The following SHISA9 variants were observed in gnomAD, a reference collection of about 807,000 sequenced individuals.
The protein encoded by SHISA9 is shisa family member 9, also known as protein shisa-9.
A neutral mutation model predicts 38.0 loss-of-function variants in SHISA9; 13 were observed. The observed-to-expected ratio is 0.34, with a 90% confidence interval of 0.22 to 0.54. SHISA9 has a LOEUF of 0.54. Among genes scored for constraint, SHISA9 ranks in the 20% least tolerant of loss-of-function variants. The pLI, the probability that SHISA9 is intolerant of heterozygous loss-of-function variation, is 0.91. For missense variants in SHISA9, 538 were observed against 575.8 expected (o/e 0.93, Z 0.67); for synonymous variants, 275 against 242.0 (o/e 1.14, Z -1.27).
the SHISA9 span, among the ~76,000 whole-genome samples, chr16:13,299,858 C>T: frequency 1.3e-5 from 2 of 152,184 alleles, no homozygotes; most frequent in South Asian, 2.1e-4. Context: ...CTTTTAACTG[C>T]TCTGTGCCTC....
At chr16:13,523,974 A>T in the SHISA9 span, among the ~76,000 whole-genome samples, 1 of 152,224 alleles carries the variant, frequency 6.6e-6, no homozygotes, top group East Asian at 1.9e-4. Flanking sequence ...CCTGATTTAT[A>T]AATGGGGAAA....
At chr16:13,085,971 A>T (rs2073706159) in intron 2 of SHISA9, among the ~76,000 whole-genome samples, 1 of 152,220 alleles carries the variant, frequency 6.6e-6, no homozygotes, top group African/African-American at 2.4e-5. Context: ...TTTAAAAAAG[A>T]ATGAGAGGCC....
At chr16:13,290,987 G>A in the SHISA9 span, among the ~76,000 whole-genome samples, 1 of 152,124 alleles carries the variant, frequency 6.6e-6, no homozygotes, top group Admixed American at 6.6e-5. Flanking sequence ...GTCTTCTTTT[G>A]CGGAAGAGAG....
chr16:13,445,990 C>G, the SHISA9 span, among the ~76,000 whole-genome samples: 4 of 152,028 alleles, frequency 2.6e-5, no homozygotes, highest in African/African-American at 9.7e-5. Context: ...GTTGCTAGGC[C>G]TGAGTACAGT....
At chr16:13,386,383 T>C in the SHISA9 span, among the ~76,000 whole-genome samples, 1 of 152,194 alleles carries the variant, frequency 6.6e-6, no homozygotes, top group Non-Finnish European at 1.5e-5. Flanking sequence ...ATGCGAGTTC[T>C]ATGCTGGGAG....
At chr16:13,294,304 T>G in the SHISA9 span, among the ~76,000 whole-genome samples, 1 of 152,202 alleles carries the variant, frequency 6.6e-6, no homozygotes, top group Non-Finnish European at 1.5e-5. Context: ...TCAGCACATC[T>G]CTGCTGGGTT....
At chr16:13,321,646 A>G in the SHISA9 span, among the ~76,000 whole-genome samples, 10,520 of 152,306 alleles carry the variant, frequency 0.069, 407 homozygotes, top group Middle Eastern at 0.088. Flanking sequence ...TATGTGTTGC[A>G]TATTGTACAT....
intron 2 of SHISA9, among the ~76,000 whole-genome samples, chr16:13,137,831 C>T (rs935248047): frequency 3.9e-5 from 6 of 152,152 alleles, no homozygotes; most frequent in Non-Finnish European, 7.3e-5. Context: ...TCCTGGGCCC[C>T]AGTTCATTCC....
chr16:12,986,950 A>G (rs952474003), intron 2 of SHISA9, among the ~76,000 whole-genome samples: 1 of 152,184 alleles, frequency 6.6e-6, no homozygotes. Flanking sequence ...TTCTCATTAG[A>G]TGATATCACA....
intron 2 of SHISA9, among the ~76,000 whole-genome samples, chr16:13,097,322 G>C (rs1310694343): frequency 6.6e-6 from 1 of 152,090 alleles, no homozygotes; most frequent in Non-Finnish European, 1.5e-5. Context: ...CCTTGGAATA[G>C]TGCTCTCAGG....
chr16:13,091,494 A>G (rs1002832414), intron 2 of SHISA9, among the ~76,000 whole-genome samples: 79 of 151,892 alleles, frequency 5.2e-4, no homozygotes, highest in African/African-American at 1.9e-3. Context: ...GGCTTTGTTC[A>G]TTTCTTTTTA....
At chr16:13,273,050 C>T in the SHISA9 span, among the ~76,000 whole-genome samples, 1 of 152,108 alleles carries the variant, frequency 6.6e-6, no homozygotes, top group African/African-American at 2.4e-5. Context: ...GTATCCAAGC[C>T]TCCAGTTGAT....
At chr16:13,108,423 C>T (rs758132218) in intron 2 of SHISA9, among the ~76,000 whole-genome samples, 27 of 152,128 alleles carry the variant, frequency 1.8e-4, no homozygotes, top group South Asian at 1.0e-3. Context: ...CACCATCATG[C>T]CCGGCTAATT....
intron 2 of SHISA9, among the ~76,000 whole-genome samples, chr16:13,098,164 A>G (rs2073845356): frequency 6.6e-6 from 1 of 152,160 alleles, no homozygotes; most frequent in South Asian, 2.1e-4. Context: ...CTTAATGTTG[A>G]TAAGGCATGT....
intron 2 of SHISA9, among the ~76,000 whole-genome samples, chr16:12,976,553 G>A (rs963017503): frequency 6.6e-6 from 1 of 152,150 alleles, no homozygotes; most frequent in African/African-American, 2.4e-5. Context: ...TGGGGATTTG[G>A]AAAGACACTG....
chr16:13,224,543 G>A (rs777146381), intron 4 of SHISA9, among the ~76,000 whole-genome samples: 12 of 152,056 alleles, frequency 7.9e-5, no homozygotes, highest in Non-Finnish European at 1.3e-4. Context: ...CTTTCATCAC[G>A]TGCATATTAT....
At chr16:13,025,746 T>A (rs1360509477) in intron 2 of SHISA9, among the ~76,000 whole-genome samples, 1 of 152,212 alleles carries the variant, frequency 6.6e-6, no homozygotes, top group Non-Finnish European at 1.5e-5. Context: ...TTTTTATTTT[T>A]TACTTTTTAT....
At chr16:12,914,379 T>A (rs931645939) in intron 1 of SHISA9, among the ~76,000 whole-genome samples, 2 of 152,136 alleles carry the variant, frequency 1.3e-5, no homozygotes, top group South Asian at 2.1e-4. Flanking sequence ...ATTTTTTTTT[T>A]AAATCTTCTC....
chr16:13,261,852 C>T, the SHISA9 span, among the ~76,000 whole-genome samples: 1 of 152,110 alleles, frequency 6.6e-6, no homozygotes, highest in Non-Finnish European at 1.5e-5. Flanking sequence ...GACTCAAACC[C>T]ATCTGTAGCC....
Sources: gnomAD v4.1 joint callset for allele counts (sites outside exome capture counted in the v4.1 genomes callset) on GRCh38, gnomAD v4.1.1 for gene constraint, MANE v1.5 for transcripts, NCBI Gene and HGNC (gene_info 2026-07-23, HGNC 2026-07-21) for gene names.